Variants in DGKB observed in about 807,000 individuals in gnomAD.
The protein encoded by DGKB is diacylglycerol kinase beta, also known as 90 kDa diacylglycerol kinase.
Under a neutral mutation model 114.3 loss-of-function variants are expected in DGKB, and 67 were observed. The ratio of observed to expected loss-of-function variants is 0.59; its 90% CI spans 0.48 to 0.72. DGKB has a LOEUF of 0.72. Among genes scored for constraint, DGKB ranks in the 30% least tolerant of loss-of-function variants. The pLI, the probability that DGKB is intolerant of heterozygous loss-of-function variation, is 0.00. For missense variants in DGKB, 907 were observed against 975.2 expected (o/e 0.93, Z 0.93); for synonymous variants, 398 against 323.1 (o/e 1.23, Z -2.49).
At chr7:14,847,476 T>C (rs1646076294) in intron 1 of DGKB, among the ~76,000 whole-genome samples, 1 of 152,196 alleles carries the variant, frequency 6.6e-6, no homozygotes. Context: ...ATAAATTCTA[T>C]AGGTTGGTTT....
intron 4 of DGKB, among the ~76,000 whole-genome samples, chr7:14,739,169 G>A (rs954071237): frequency 1.1e-4 from 17 of 152,204 alleles, no homozygotes; most frequent in African/African-American, 3.4e-4. Flanking sequence ...TAACGATAGA[G>A]GCAGGACACA....
chr7:14,152,182 A>G (rs1168875269), intron 25 of DGKB, among the ~76,000 whole-genome samples: 2 of 152,132 alleles, frequency 1.3e-5, no homozygotes, highest in Non-Finnish European at 2.9e-5. Context: ...CAAAGAATTT[A>G]GAATATATTA....
rs187854518 is a variant in DGKB at position 14,153,221 on chromosome 7, A to T, written c.2305-3983T>A. ...CTTTCTTGCTTCCCTGTCTTCCAGC[A>T]TCAAATATTTCCAAACCCTTTATTA... On this transcript the variant is annotated intron_variant, in intron 25 of 25. Transcript: ENST00000402815. 1.2e-4 allele frequency among the ~76,000 whole-genome samples: 18 copies of T among 152,170 alleles called. No individual in the cohort carries two copies. In the East Asian group the frequency reaches 3.5e-3, roughly 29 times the overall value.
At chr7:14,254,576 T>C (rs1795692964) in intron 23 of DGKB, among the ~76,000 whole-genome samples, 1 of 148,262 alleles carries the variant, frequency 6.7e-6, no homozygotes, top group South Asian at 2.1e-4. Context: ...TTAGCATTGA[T>C]CTATTTTAAA....
At chr7:14,610,365 G>T (rs968328878) in intron 16 of DGKB, among the ~76,000 whole-genome samples, 1 of 151,964 alleles carries the variant, frequency 6.6e-6, no homozygotes, top group African/African-American at 2.4e-5. Flanking sequence ...AGTAGACATG[G>T]GGGACTACCA....
At chr7:14,595,339 CAG>C (rs1204221833) in intron 17 of DGKB, among the ~76,000 whole-genome samples, 1 of 151,894 alleles carries the variant, frequency 6.6e-6, no homozygotes, top group Non-Finnish European at 1.5e-5. Flanking sequence ...AGAATAAAAA[CAG>C]TGTGTAAATT....
chr7:14,643,081 G>C (rs997781396), intron 13 of DGKB, among the ~76,000 whole-genome samples: 1 of 152,066 alleles, frequency 6.6e-6, no homozygotes, highest in African/African-American at 2.4e-5. Context: ...GAGCATCTAA[G>C]GGAGAACACA....
intron 23 of DGKB, among the ~76,000 whole-genome samples, chr7:14,331,807 T>C (rs1005697390): frequency 7.9e-5 from 12 of 152,150 alleles, no homozygotes; most frequent in Non-Finnish European, 1.6e-4. Context: ...TTGGTTTGTA[T>C]TGCTTTGTTT....
At chr7:14,652,463 C>G (rs1270481039) in intron 13 of DGKB, among the ~76,000 whole-genome samples, 2 of 151,992 alleles carry the variant, frequency 1.3e-5, no homozygotes, top group Non-Finnish European at 2.9e-5. Context: ...AAAGCTGAAA[C>G]TGGATCCCTT....
chr7:14,688,951 A>G lies in DGKB; in HGVS notation c.712-3589T>C, dbSNP rs117096469. Among the ~76,000 whole-genome samples, 974 of 152,144 alleles carry G rather than the reference A, an allele frequency of 6.4e-3. 6 individuals carry two copies. The highest frequency in any genetic ancestry group is 0.011 in the Non-Finnish European group (747 of 68,018). ...ATCACATAAAATGTTCAAGTGAACT[A>G]GGGCTACTATAAATAATTTTTTTTC... is the stretch of plus-strand genomic sequence containing the variant. On this transcript the variant is annotated intron_variant, in intron 9 of 25. Coordinates refer to ENST00000402815, the MANE Select transcript of DGKB (RefSeq NM_001350709.2).
At chr7:14,248,381 G>A (rs570993078) in intron 23 of DGKB, among the ~76,000 whole-genome samples, 1 of 152,094 alleles carries the variant, frequency 6.6e-6, no homozygotes, top group East Asian at 1.9e-4. Flanking sequence ...TTCTATTTCT[G>A]TGAAAAATGC....
intron 1 of DGKB, among the ~76,000 whole-genome samples, chr7:14,936,568 T>G (rs913437369): frequency 1.3e-5 from 2 of 152,132 alleles, no homozygotes; most frequent in African/African-American, 4.8e-5. Flanking sequence ...TGATTTTTCA[T>G]GTCTTCAAAA....
chr7:14,576,662 A>G lies in DGKB; in HGVS notation c.1610-2290T>C, dbSNP rs1799165773. Among the ~76,000 whole-genome samples, 8 of 152,308 alleles carry G rather than the reference A, an allele frequency of 5.3e-5. No individual in the cohort carries two copies. The South Asian group carries it at 1.7e-3, about 32-fold the overall frequency. On this transcript the variant is annotated intron_variant, in intron 19 of 25. Transcript: ENST00000402815. ...TTTCTCAGTCATGTCTCAGGTTAAT[A>G]GCAGCACCGTCCAACATAACACTGG...
intron 6 of DGKB, among the ~76,000 whole-genome samples, chr7:14,712,914 GATC>G (rs1486745214): frequency 6.6e-6 from 1 of 151,862 alleles, no homozygotes; most frequent in East Asian, 1.9e-4. Context: ...TGAACAAAAG[GATC>G]ATATTTTTAA....
At chr7:14,933,555 A>T (rs1251884131) in intron 1 of DGKB, among the ~76,000 whole-genome samples, 1 of 152,132 alleles carries the variant, frequency 6.6e-6, no homozygotes, top group East Asian at 1.9e-4. Flanking sequence ...TAATTGCATC[A>T]CTCCAAAATT....
intron 15 of DGKB, among the ~76,000 whole-genome samples, chr7:14,619,737 G>T (rs531386049): frequency 1.3e-5 from 2 of 151,838 alleles, no homozygotes; most frequent in African/African-American, 2.4e-5. Context: ...TGCCCTTGGG[G>T]AAGTTATCTC....
chr7:14,162,334 G>C lies in DGKB; in HGVS notation c.2305-13096C>G, dbSNP rs148259740. 7.2e-4 allele frequency among the ~76,000 whole-genome samples: 110 copies of C among 152,280 alleles called. No homozygotes were observed. In the East Asian group the frequency reaches 0.011, roughly 16 times the overall value. ...ATTATTTCCAATTTTGCACATTCCA[G>C]AGGAAGATATTCAGTTTCGAACTGG... On this transcript the variant is annotated intron_variant, in intron 25 of 25. Coordinates refer to ENST00000402815, the MANE Select transcript of DGKB (RefSeq NM_001350709.2).
At chr7:14,471,591 A>G (rs1049148805) in intron 21 of DGKB, among the ~76,000 whole-genome samples, 4 of 151,436 alleles carry the variant, frequency 2.6e-5, no homozygotes, top group African/African-American at 9.7e-5. Flanking sequence ...GATTTATGTT[A>G]AAGAATTTTT....
intron 4 of DGKB, among the ~76,000 whole-genome samples, chr7:14,742,166 T>C (rs1027241693): frequency 3.9e-5 from 6 of 152,194 alleles, no homozygotes; most frequent in African/African-American, 1.4e-4. Flanking sequence ...TAGATCCCTT[T>C]CAAAATCTGT....
Sources: allele counts gnomAD v4.1 joint callset (sites outside exome capture counted in the v4.1 genomes callset), GRCh38; gene constraint gnomAD v4.1.1; transcripts MANE v1.5; gene names NCBI Gene and HGNC (gene_info 2026-07-23, HGNC 2026-07-21).